The following EYS variants were observed in gnomAD, a reference collection of about 807,000 sequenced individuals.
The protein encoded by EYS is protein eyes shut homolog.
Under a neutral mutation model 282.1 loss-of-function variants are expected in EYS, and 250 were observed. The ratio of observed to expected loss-of-function variants is 0.89; its 90% CI spans 0.80 to 0.98. The LOEUF (loss-of-function observed/expected upper bound fraction) is 0.98. Ranked by LOEUF, EYS falls within the 50% of genes least tolerant of loss-of-function variation. The pLI is 0.00. For missense variants in EYS, 4,016 were observed against 3,709.0 expected (o/e 1.08, Z -2.15); for synonymous variants, 1,355 against 1,282.9 (o/e 1.06, Z -1.20).
At chr6:64,514,363 AACAG>A (rs1777498135) in intron 26 of EYS, among the ~76,000 whole-genome samples, 2 of 151,876 alleles carry the variant, frequency 1.3e-5, no homozygotes, top group Non-Finnish European at 2.9e-5. Flanking sequence ...AGAAAACAAT[AACAG>A]ACAGATTGAA....
At chr6:64,630,729 G>A (rs1767751385) in intron 22 of EYS, among the ~76,000 whole-genome samples, 1 of 152,058 alleles carries the variant, frequency 6.6e-6, no homozygotes, top group African/African-American at 2.4e-5. Flanking sequence ...AACTTTTAAT[G>A]TTAAACTTTT....
At chr6:63,757,368 T>C (rs569769609) in intron 41 of EYS, among the ~76,000 whole-genome samples, 12 of 152,218 alleles carry the variant, frequency 7.9e-5, no homozygotes, top group African/African-American at 2.9e-4. Flanking sequence ...TCTGACTGGT[T>C]CTCTGCTCTG....
chr6:64,205,391 T>C (rs1765582573), intron 31 of EYS, among the ~76,000 whole-genome samples: 2 of 152,128 alleles, frequency 1.3e-5, no homozygotes, highest in South Asian at 2.1e-4. Flanking sequence ...TTTCTTGGTA[T>C]AGTTGATTCA....
chr6:65,127,825 T>G (rs971012428), intron 12 of EYS, among the ~76,000 whole-genome samples: 3 of 152,092 alleles, frequency 2.0e-5, no homozygotes, highest in Non-Finnish European at 4.4e-5. Context: ...ATATTAAATA[T>G]GTACAGAAAA....
chr6:64,317,391 A>G (rs1770017138), intron 29 of EYS, among the ~76,000 whole-genome samples: 1 of 147,594 alleles, frequency 6.8e-6, no homozygotes, highest in Non-Finnish European at 1.5e-5. Flanking sequence ...ACAATTCTCC[A>G]AAGAAGACAT....
At chr6:63,908,012 G>GTGTATATATATATATATA (rs1491193336) in intron 35 of EYS, among the ~76,000 whole-genome samples, 11 of 131,172 alleles carry the variant, frequency 8.4e-5, no homozygotes, top group African/African-American at 3.2e-4. Flanking sequence ...ACACACAAAC[G>GTGTATATATATATATATA]TATATATATA....
intron 1 of EYS, among the ~76,000 whole-genome samples, chr6:65,656,939 G>C (rs1767851000): frequency 6.6e-6 from 1 of 151,872 alleles, no homozygotes; most frequent in South Asian, 2.1e-4. Context: ...AATGTAGCTG[G>C]TGATTTTAAA....
intron 11 of EYS, chr6:65,330,067 G>A (rs1769739870): frequency 2.0e-6 from 2 of 984,030 alleles, no homozygotes; most frequent in South Asian, 4.7e-5. Context: ...CAAGCAACTT[G>A]TATGTTCAGA....
At chr6:65,338,326 A>G (rs1019184272) in intron 10 of EYS, among the ~76,000 whole-genome samples, 11 of 149,076 alleles carry the variant, frequency 7.4e-5, no homozygotes, top group Admixed American at 6.0e-4. Flanking sequence ...AGTAAATTAT[A>G]TCAGTAGACA....
chr6:65,295,716 ATTTT>A (rs34666704), intron 12 of EYS, 143 bp downstream of exon 12: 46 of 605,612 alleles, frequency 7.6e-5, no homozygotes, highest in Non-Finnish European at 1.2e-4. Flanking sequence ...AAGTGAATGC[ATTTT>A]TTTTTTTACT....
At chr6:64,569,840 G>A (rs1219466680) in intron 26 of EYS, among the ~76,000 whole-genome samples, 2 of 152,162 alleles carry the variant, frequency 1.3e-5, no homozygotes, top group African/African-American at 2.4e-5. Context: ...TGAAAGTGAG[G>A]GGGAGAATGG....
chr6:65,404,227 A>G (rs1236503211), intron 6 of EYS, among the ~76,000 whole-genome samples: 2 of 151,840 alleles, frequency 1.3e-5, no homozygotes, highest in Admixed American at 1.3e-4. Context: ...TGATTCTTCC[A>G]TCTCTCTCTT....
intron 31 of EYS, among the ~76,000 whole-genome samples, chr6:64,125,864 C>G (rs933948201): frequency 8.1e-5 from 12 of 148,646 alleles, no homozygotes; most frequent in Admixed American, 3.3e-4. Flanking sequence ...TTACCACACT[C>G]AATATAAATT....
chr6:65,091,662 A>T (rs991776792), intron 12 of EYS, among the ~76,000 whole-genome samples: 3 of 152,036 alleles, frequency 2.0e-5, no homozygotes, highest in Non-Finnish European at 4.4e-5. Flanking sequence ...TCTGCTTCAT[A>T]ATTTTGATTA....
At position 65,158,975 on chromosome 6, in the gene EYS, AG is replaced by A. The variant is rs1394174019; in HGVS notation, c.2024-101249del. Among the ~76,000 whole-genome samples the A allele has an allele frequency of 1.3e-4, 19 of 150,812 alleles. No homozygotes were observed. The Admixed American group carries it at 1.3e-3, about 10-fold the overall frequency. ...AACAAACTTTTAGCATTGCACTGAG[AG>A]GGTTTTTTTAAATATTGCTATTTTT... is the stretch of plus-strand genomic sequence containing the variant. On this transcript the variant is annotated intron_variant, in intron 12 of 42. Coordinates refer to ENST00000503581, the MANE Select transcript of EYS (RefSeq NM_001142800.2).
In EYS at chr6:65,600,856, A is replaced by G. The variant is rs1029268780; in HGVS notation, c.-333+38922T>C. On this transcript the variant is annotated intron_variant, in intron 2 of 42. Coordinates refer to ENST00000503581, the MANE Select transcript of EYS (RefSeq NM_001142800.2). The stretch of plus-strand genomic sequence containing the variant: ...GTAGTACTATCTACCCTCATGGGCT[A>G]TTCTATGGAATTCCTTTCCCTATTG... Among the ~76,000 whole-genome samples, 12 of 151,990 alleles carry G rather than the reference A, an allele frequency of 7.9e-5. No homozygotes were observed. The East Asian group carries it at 1.7e-3, about 22-fold the overall frequency.
At chr6:64,118,384 T>C (rs1470791986) in intron 31 of EYS, among the ~76,000 whole-genome samples, 1 of 152,066 alleles carries the variant, frequency 6.6e-6, no homozygotes, top group Non-Finnish European at 1.5e-5. Context: ...AATAAATCCA[T>C]GCATTTACAG....
intron 29 of EYS, among the ~76,000 whole-genome samples, chr6:64,320,297 CTT>C (rs1454666030): frequency 9.9e-5 from 15 of 151,804 alleles, no homozygotes; most frequent in Non-Finnish European, 1.5e-4. Flanking sequence ...ATCTCTCCAT[CTT>C]TTGGAACTCC....
At chr6:63,997,391 G>A (rs1019665075) in intron 34 of EYS, among the ~76,000 whole-genome samples, 4 of 152,196 alleles carry the variant, frequency 2.6e-5, no homozygotes, top group East Asian at 1.9e-4. Flanking sequence ...CTCCACAAGC[G>A]TGACCAAATT....
Sources: gnomAD v4.1 joint callset for allele counts (sites outside exome capture counted in the v4.1 genomes callset) on GRCh38, gnomAD v4.1.1 for gene constraint, MANE v1.5 for transcripts, NCBI Gene and HGNC (gene_info 2026-07-23, HGNC 2026-07-21) for gene names.